Variants in ARB2A observed in about 807,000 individuals in gnomAD.
ARB2A encodes ARB2 cotranscriptional regulator A.
chr5:93,992,185 T>C, the ARB2A span, among the ~76,000 whole-genome samples: 1 of 151,884 alleles, frequency 6.6e-6, no homozygotes, highest in African/African-American at 2.4e-5. Flanking sequence ...CCTTCAAAAA[T>C]GAAGCAAGAT....
chr5:93,915,400 C>T, the ARB2A span, among the ~76,000 whole-genome samples: 16 of 151,488 alleles, frequency 1.1e-4, no homozygotes, highest in East Asian at 2.9e-3. Context: ...GAGAATAATG[C>T]AGTATAGGAT....
the ARB2A span, among the ~76,000 whole-genome samples, chr5:93,995,878 A>C: frequency 6.6e-6 from 1 of 152,196 alleles, no homozygotes; most frequent in Non-Finnish European, 1.5e-5. Flanking sequence ...AAACAAAACA[A>C]AACTTGCGGA....
the ARB2A span, among the ~76,000 whole-genome samples, chr5:93,795,848 C>CAAAAAA: frequency 1.0e-5 from 1 of 96,954 alleles, no homozygotes; most frequent in Non-Finnish European, 2.2e-5. Context: ...TATTGAAAAG[C>CAAAAAA]AAAAAAAAAA....
At chr5:93,760,232 C>T in the ARB2A span, among the ~76,000 whole-genome samples, 119 of 152,142 alleles carry the variant, frequency 7.8e-4, no homozygotes, top group Non-Finnish European at 1.4e-3. Context: ...TTCAAAACAC[C>T]GCTGAAAGAA....
the ARB2A span, chr5:93,738,919 A>G: frequency 6.6e-6 from 1 of 152,254 alleles, no homozygotes; most frequent in Non-Finnish European, 1.5e-5. Flanking sequence ...TACACTTAAA[A>G]TCATTACAAT....
the ARB2A span, among the ~76,000 whole-genome samples, chr5:93,798,708 T>C: frequency 6.6e-6 from 1 of 152,118 alleles, no homozygotes; most frequent in Non-Finnish European, 1.5e-5. Context: ...TCACCTCTAG[T>C]GTGACATGGG....
the ARB2A span, among the ~76,000 whole-genome samples, chr5:93,992,419 C>G: frequency 1.3e-5 from 2 of 151,966 alleles, no homozygotes. Flanking sequence ...ATATTGTAAG[C>G]CCCCTAGCAA....
At chr5:94,068,299 A>G in the ARB2A span, among the ~76,000 whole-genome samples, 6 of 152,214 alleles carry the variant, frequency 3.9e-5, no homozygotes, top group African/African-American at 9.7e-5. Context: ...CTCTAGCCCA[A>G]TTGGGAGCGG....
chr5:94,104,104 A>T, the ARB2A span, among the ~76,000 whole-genome samples: 3 of 151,720 alleles, frequency 2.0e-5, no homozygotes, highest in Non-Finnish European at 4.4e-5. Context: ...AGCAACCAAA[A>T]AAAAAAAAAG....
chr5:93,922,143 T>C, the ARB2A span, among the ~76,000 whole-genome samples: 1 of 152,158 alleles, frequency 6.6e-6, no homozygotes, highest in African/African-American at 2.4e-5. Flanking sequence ...GCCATCATTG[T>C]TACAGAAAAA....
the ARB2A span, chr5:93,682,925 G>T: frequency 9.5e-6 from 15 of 1,570,952 alleles, no homozygotes; most frequent in African/African-American, 1.3e-5. Flanking sequence ...GATGAATTTG[G>T]CTTCCACTTT....
chr5:94,055,606 G>A, the ARB2A span: 2 of 983,594 alleles, frequency 2.0e-6, no homozygotes, highest in Middle Eastern at 5.2e-4. Context: ...ACATATACTG[G>A]GTTTAAAAAG....
At chr5:93,741,441 AG>A in the ARB2A span, 1 of 1,613,498 alleles carries the variant, frequency 6.2e-7, no homozygotes, top group Non-Finnish European at 8.5e-7. Context: ...TCACCCTGCC[AG>A]GGGCCGCCTG....
At chr5:94,037,929 G>T in the ARB2A span, among the ~76,000 whole-genome samples, 1 of 151,928 alleles carries the variant, frequency 6.6e-6, no homozygotes, top group Non-Finnish European at 1.5e-5. Flanking sequence ...ACTAATTTAG[G>T]TCCAGAGAAT....
chr5:93,761,115 A>T, the ARB2A span, among the ~76,000 whole-genome samples: 1 of 152,168 alleles, frequency 6.6e-6, no homozygotes, highest in Non-Finnish European at 1.5e-5. Context: ...TCCAGTCTGC[A>T]GCTCCCAGCA....
At chr5:93,751,963 G>C in the ARB2A span, among the ~76,000 whole-genome samples, 1 of 152,282 alleles carries the variant, frequency 6.6e-6, no homozygotes, top group South Asian at 2.1e-4. Context: ...GCACACCACA[G>C]TCAGGCAGGA....
At chr5:94,043,114 T>A in the ARB2A span, among the ~76,000 whole-genome samples, 1 of 152,100 alleles carries the variant, frequency 6.6e-6, no homozygotes, top group Non-Finnish European at 1.5e-5. Context: ...TAAATGCAGG[T>A]TTCTGATAAC....
At chr5:93,715,235 T>C in the ARB2A span, among the ~76,000 whole-genome samples, 1 of 152,172 alleles carries the variant, frequency 6.6e-6, no homozygotes. Context: ...CAGGAAAAAG[T>C]AGTACGTGAG....
the ARB2A span, among the ~76,000 whole-genome samples, chr5:94,002,295 A>T: frequency 2.0e-5 from 3 of 152,064 alleles, no homozygotes; most frequent in Non-Finnish European, 4.4e-5. Context: ...CACAAGGAAG[A>T]TTTTTCTGAT....
Sources: allele counts gnomAD v4.1 joint callset (sites outside exome capture counted in the v4.1 genomes callset), GRCh38; gene constraint gnomAD v4.1.1; transcripts MANE v1.5; gene names NCBI Gene and HGNC (gene_info 2026-07-23, HGNC 2026-07-21).